The following LMO7 variants were observed in gnomAD, a reference collection of about 807,000 sequenced individuals.
LMO7 encodes LIM domain 7.
LMO7 carries 120 observed loss-of-function variants against 206.5 expected under a neutral mutation model. The ratio of observed to expected loss-of-function variants is 0.58; its 90% CI spans 0.50 to 0.68. LMO7 has a LOEUF of 0.68. Ranked by LOEUF, LMO7 falls within the 30% of genes least tolerant of loss-of-function variation. LMO7 has a pLI of 0.00. For synonymous variants in LMO7, 706 were observed against 681.5 expected, an observed-to-expected ratio of 1.04 and a Z score of -0.56; for missense variants, 1,959 against 1,957.9, an observed-to-expected ratio of 1.00 and a Z score of -0.01.
At chr13:75,778,153 C>T (rs964939015) in intron 4 of LMO7, among the ~76,000 whole-genome samples, 14 of 152,306 alleles carry the variant, frequency 9.2e-5, no homozygotes, top group African/African-American at 3.4e-4. Context: ...ACTTTTCAGA[C>T]ATCTTATGAA....
chr13:75,667,493 C>G (rs2039177373), intron 1 of LMO7, among the ~76,000 whole-genome samples: 1 of 152,112 alleles, frequency 6.6e-6, no homozygotes, highest in Non-Finnish European at 1.5e-5. Context: ...TTCTATTGAT[C>G]TGTCTTCAGG....
At chr13:75,838,092 G>C in intron 19 of LMO7, 48 bp from the exon 20 acceptor site, 2 of 1,127,096 alleles carry the variant, frequency 1.8e-6, no homozygotes, top group Non-Finnish European at 2.7e-6. Context: ...TTTACCAATG[G>C]TGAGAAATAA....
At chr13:75,682,021 A>G (rs1306354923) in intron 1 of LMO7, among the ~76,000 whole-genome samples, 2 of 151,998 alleles carry the variant, frequency 1.3e-5, no homozygotes, top group Non-Finnish European at 2.9e-5. Flanking sequence ...TTGATGGGGC[A>G]TATGGAAAGT....
At chr13:75,760,741 G>T (rs1395268717) in intron 3 of LMO7, 191 bp from the exon 4 acceptor site, 3 of 1,535,810 alleles carry the variant, frequency 2.0e-6, no homozygotes, top group African/African-American at 2.7e-5. Flanking sequence ...GACTGTGTAT[G>T]CTCTGGAGGA....
intron 1 of LMO7, among the ~76,000 whole-genome samples, chr13:75,698,896 C>T (rs1035348918): frequency 5.9e-5 from 9 of 151,996 alleles, no homozygotes; most frequent in African/African-American, 1.9e-4. Flanking sequence ...CACAGAATTG[C>T]CGAGCCATCA....
At chr13:75,686,131 A>G (rs1044868380) in intron 1 of LMO7, among the ~76,000 whole-genome samples, 3 of 152,040 alleles carry the variant, frequency 2.0e-5, no homozygotes, top group African/African-American at 7.2e-5. Context: ...CTCCCACTTC[A>G]GCCTCCTAAA....
At chr13:75,763,903 T>C (rs1455711754) in intron 4 of LMO7, among the ~76,000 whole-genome samples, 1 of 138,706 alleles carries the variant, frequency 7.2e-6, no homozygotes, top group Non-Finnish European at 1.5e-5. Context: ...ACTCCAACTG[T>C]TTTTCAGTTT....
chr13:75,786,499 C>T lies in LMO7; in HGVS notation c.318-8902C>T, dbSNP rs974115892. On this transcript the variant is annotated intron_variant, in intron 4 of 30. Transcript: ENST00000377534. Reference sequence around the variant, plus strand: ...ACGCCACTCTCCTGCCTCAGCCTCCCGAGTAGCTGGGACTACAGGCACCAG... The same window carrying T: ...ACGCCACTCTCCTGCCTCAGCCTCCTGAGTAGCTGGGACTACAGGCACCAG... Among the ~76,000 whole-genome samples, 4 of 151,972 alleles carry T rather than the reference C, an allele frequency of 2.6e-5. No homozygotes were observed. In the East Asian group the frequency reaches 5.8e-4, roughly 22 times the overall value.
chr13:75,680,422 G>A (rs998855090), intron 1 of LMO7, among the ~76,000 whole-genome samples: 8 of 152,344 alleles, frequency 5.3e-5, no homozygotes, highest in Middle Eastern at 3.4e-3. Flanking sequence ...CCAGTAATGG[G>A]ATTGCTGGTG....
chr13:75,749,019 C>G (rs1369639251), intron 3 of LMO7, among the ~76,000 whole-genome samples: 2 of 152,010 alleles, frequency 1.3e-5, no homozygotes, highest in African/African-American at 4.8e-5. Flanking sequence ...GTTGCCCAGG[C>G]TGGTCTGGAA....
chr13:75,821,091 T>C, intron 13 of LMO7, 86 bp from the exon 14 acceptor site: 1 of 959,856 alleles, frequency 1.0e-6, no homozygotes, highest in Admixed American at 2.6e-5. Context: ...TTATTCCCAG[T>C]CCGTTTCATG....
At chr13:75,731,461 T>A (rs574415823) in intron 3 of LMO7, among the ~76,000 whole-genome samples, 18 of 152,338 alleles carry the variant, frequency 1.2e-4, no homozygotes, top group African/African-American at 4.1e-4. Flanking sequence ...CCCCTGCCTT[T>A]TTTTGTTTTC....
chr13:75,833,993 G>T (rs34959967), intron 16 of LMO7, among the ~76,000 whole-genome samples: 13,867 of 151,988 alleles, frequency 0.091, 719 homozygotes, highest in African/African-American at 0.14. Flanking sequence ...GAATAGATGA[G>T]TTTATCATTT....
At chr13:75,667,710 C>G (rs1272524245) in intron 1 of LMO7, among the ~76,000 whole-genome samples, 2 of 152,094 alleles carry the variant, frequency 1.3e-5, no homozygotes, top group Non-Finnish European at 2.9e-5. Flanking sequence ...ATGATAGCTG[C>G]TTTGAAATGC....
intron 3 of LMO7, among the ~76,000 whole-genome samples, chr13:75,746,618 T>A (rs1169990743): frequency 1.3e-5 from 2 of 152,238 alleles, no homozygotes; most frequent in Non-Finnish European, 2.9e-5. Flanking sequence ...TGGGCCTGCA[T>A]TCCCCTAAAG....
chr13:75,640,302 T>C (rs1485764239), intron 1 of LMO7, among the ~76,000 whole-genome samples: 1 of 152,188 alleles, frequency 6.6e-6, no homozygotes, highest in Non-Finnish European at 1.5e-5. Flanking sequence ...TTTTTCCTCT[T>C]AATCTCCCCT....
intron 4 of LMO7, among the ~76,000 whole-genome samples, chr13:75,773,471 G>T (rs978969123): frequency 2.6e-5 from 4 of 152,134 alleles, no homozygotes; most frequent in Non-Finnish European, 5.9e-5. Context: ...AAGTATGGAG[G>T]CTGAGAGAGA....
chr13:75,655,025 C>T (rs1255929307), intron 1 of LMO7, among the ~76,000 whole-genome samples: 3 of 152,168 alleles, frequency 2.0e-5, no homozygotes, highest in South Asian at 2.1e-4. Context: ...CACCTGTCAC[C>T]ACGCCCGGCT....
chr13:75,673,757 G>A (rs1434269569), intron 1 of LMO7, among the ~76,000 whole-genome samples: 4 of 152,004 alleles, frequency 2.6e-5, no homozygotes, highest in African/African-American at 9.7e-5. Context: ...ATTTTTTTCT[G>A]ATTATGAAGG....
Sources: allele counts gnomAD v4.1 joint callset (sites outside exome capture counted in the v4.1 genomes callset), GRCh38; gene constraint gnomAD v4.1.1; transcripts MANE v1.5; gene names NCBI Gene and HGNC (gene_info 2026-07-23, HGNC 2026-07-21).